GPC6: variants seen among roughly 807,000 people sequenced by gnomAD.
GPC6 encodes the protein glypican-6.
In GPC6, 14 loss-of-function variants were observed where a neutral mutation model predicts 55.2. That is an observed-to-expected ratio of 0.25 (90% CI 0.17 to 0.40). The LOEUF (loss-of-function observed/expected upper bound fraction) is 0.40, where lower values mean the gene tolerates loss of function less well. Among genes scored for constraint, GPC6 ranks in the 10% least tolerant of loss-of-function variants. The pLI is 1.00. For missense variants in GPC6, 641 were observed against 708.5 expected, an observed-to-expected ratio of 0.90 and a Z score of 1.08; for synonymous variants, 278 against 259.6, an observed-to-expected ratio of 1.07 and a Z score of -0.68.
intron 1 of GPC6, among the ~76,000 whole-genome samples, chr13:93,393,107 GAT>G (rs374414019): frequency 0.014 from 1,640 of 114,574 alleles, 28 homozygotes; most frequent in African/African-American, 0.042. Flanking sequence ...ATGTATATTT[GAT>G]ATATATATAT....
intron 2 of GPC6, among the ~76,000 whole-genome samples, chr13:93,572,989 T>C (rs907626273): frequency 7.9e-5 from 12 of 152,156 alleles, no homozygotes; most frequent in African/African-American, 2.9e-4. Context: ...CAGAATCAGA[T>C]ATCAACTGAA....
chr13:93,750,762 C>G (rs543020822), intron 2 of GPC6, among the ~76,000 whole-genome samples: 1 of 152,258 alleles, frequency 6.6e-6, no homozygotes, highest in East Asian at 1.9e-4. Flanking sequence ...ATGATTTTAC[C>G]TAGTTGGTTG....
At chr13:93,267,349 C>T (rs1257616066) in intron 1 of GPC6, among the ~76,000 whole-genome samples, 1 of 151,534 alleles carries the variant, frequency 6.6e-6, no homozygotes, top group Non-Finnish European at 1.5e-5. Context: ...GAGCTGCTAC[C>T]TTGATCTCTT....
chr13:93,598,130 G>A (rs542567775), intron 2 of GPC6, among the ~76,000 whole-genome samples: 18 of 152,094 alleles, frequency 1.2e-4, no homozygotes, highest in Non-Finnish European at 2.1e-4. Flanking sequence ...GCAACAGAGC[G>A]AGACTCCATC....
intron 1 of GPC6, among the ~76,000 whole-genome samples, chr13:93,543,619 C>A (rs1340357455): frequency 3.3e-5 from 5 of 151,994 alleles, no homozygotes; most frequent in Non-Finnish European, 7.4e-5. Flanking sequence ...CTCCTTGTAC[C>A]TCTGGTAGAA....
intron 2 of GPC6, among the ~76,000 whole-genome samples, chr13:93,725,050 T>C (rs1883586345): frequency 6.6e-6 from 1 of 152,028 alleles, no homozygotes; most frequent in Non-Finnish European, 1.5e-5. Flanking sequence ...ACCTATACAG[T>C]TCAATGCTCA....
chr13:93,669,617 G>A (rs1881278714), intron 2 of GPC6, among the ~76,000 whole-genome samples: 1 of 152,186 alleles, frequency 6.6e-6, no homozygotes, highest in African/African-American at 2.4e-5. Flanking sequence ...GATGGTAACA[G>A]TTGAGTTTTA....
chr13:93,981,876 T>A (rs1041534348), intron 3 of GPC6, among the ~76,000 whole-genome samples: 2 of 152,184 alleles, frequency 1.3e-5, no homozygotes, highest in Non-Finnish European at 2.9e-5. Flanking sequence ...AATCACTATC[T>A]TCAACAATGT....
At chr13:93,705,271 T>G (rs1205012958) in intron 2 of GPC6, among the ~76,000 whole-genome samples, 1 of 151,936 alleles carries the variant, frequency 6.6e-6, no homozygotes, top group Non-Finnish European at 1.5e-5. Flanking sequence ...GCTGCCAAAG[T>G]GTAGTTTGCA....
At chr13:93,754,095 T>C (rs1238861457) in intron 2 of GPC6, among the ~76,000 whole-genome samples, 2 of 152,194 alleles carry the variant, frequency 1.3e-5, no homozygotes, top group Admixed American at 6.6e-5. Flanking sequence ...CTCTGTTTTA[T>C]CTTTAATATT....
rs1887433428 is a variant in GPC6, at chr13:93,830,296, T to C, written c.462T>C (p.Asn154=). 8 of 1,613,980 alleles carry C rather than the reference T, an allele frequency of 5.0e-6. No individual in the cohort carries two copies. Among genetic ancestry groups the C allele is most frequent in the East Asian group, 2.2e-5 (1 of 44,848 alleles). Residue 154 remains asparagine (N), a synonymous_variant, in exon 3 of 9, where the codon AAT becomes AAC. Transcript: ENST00000377047. ...TGAAAAGGTACTACACTGGGGGTAA[T>C]GTGAATCTGGAGGAAATGCTCAATG... ...TELKRYYTGG[N]VNLEEMLNDF... is the part of the protein sequence containing the mutation.
At chr13:93,373,865 A>T (rs1874777424) in intron 1 of GPC6, among the ~76,000 whole-genome samples, 1 of 152,156 alleles carries the variant, frequency 6.6e-6, no homozygotes, top group Non-Finnish European at 1.5e-5. Context: ...TTTTAATATA[A>T]CTCAGTAACA....
chr13:93,483,109 G>A (rs549325921), intron 1 of GPC6, among the ~76,000 whole-genome samples: 2 of 152,186 alleles, frequency 1.3e-5, no homozygotes, highest in East Asian at 1.9e-4. Context: ...TACAATACTG[G>A]CAATTGTTTT....
intron 3 of GPC6, among the ~76,000 whole-genome samples, chr13:93,858,084 A>G: frequency 6.6e-6 from 1 of 151,582 alleles, no homozygotes; most frequent in African/African-American, 2.4e-5. Context: ...TATTTTAAAT[A>G]ATATTAATTA....
At chr13:94,177,586 A>G (rs1215986502) in intron 4 of GPC6, among the ~76,000 whole-genome samples, 2 of 152,188 alleles carry the variant, frequency 1.3e-5, no homozygotes, top group African/African-American at 2.4e-5. Context: ...AAATTAGCAA[A>G]TAGTTTTGAA....
chr13:93,434,468 T>G (rs1367212657), intron 1 of GPC6, among the ~76,000 whole-genome samples: 1 of 152,148 alleles, frequency 6.6e-6, no homozygotes, highest in African/African-American at 2.4e-5. Context: ...GCCAATCTGT[T>G]GAGCCCAGAC....
intron 2 of GPC6, among the ~76,000 whole-genome samples, chr13:93,803,167 A>G (rs1420185478): frequency 6.6e-6 from 1 of 152,176 alleles, no homozygotes; most frequent in Non-Finnish European, 1.5e-5. Flanking sequence ...TAAGGGGGAA[A>G]TGGAATGGAA....
At chr13:93,393,137 G>C (rs865797526) in intron 1 of GPC6, among the ~76,000 whole-genome samples, 2 of 142,600 alleles carry the variant, frequency 1.4e-5, no homozygotes, top group South Asian at 4.6e-4. Flanking sequence ...TAGAGAGAGA[G>C]AGAGAGAGAG....
At chr13:94,174,411 T>C (rs115062796) in intron 4 of GPC6, among the ~76,000 whole-genome samples, 1 of 152,200 alleles carries the variant, frequency 6.6e-6, no homozygotes, top group African/African-American at 2.4e-5. Context: ...ATGAAAAACA[T>C]TCAAAGATAA....
Sources: allele counts gnomAD v4.1 joint callset (sites outside exome capture counted in the v4.1 genomes callset), GRCh38; gene constraint gnomAD v4.1.1; transcripts MANE v1.5; gene names NCBI Gene and HGNC (gene_info 2026-07-23, HGNC 2026-07-21).